Variants in ATP10A observed in about 807,000 individuals in gnomAD.
ATP10A encodes the protein ATPase phospholipid transporting 10A (putative), also known as phospholipid-transporting ATPase VA.
In ATP10A, 111 loss-of-function variants were observed where a neutral mutation model predicts 147.8. The ratio of observed to expected loss-of-function variants is 0.75; its 90% CI spans 0.64 to 0.88. The LOEUF (loss-of-function observed/expected upper bound fraction) is 0.88. Ranked by LOEUF, ATP10A falls within the 40% of genes least tolerant of loss-of-function variation. The pLI is 0.00. For synonymous variants in ATP10A, 875 were observed against 841.6 expected (o/e 1.04, Z -0.69); for missense variants, 1,927 against 1,959.0 (o/e 0.98, Z 0.31).
At chr15:25,804,719 G>C (rs934462708) in intron 1 of ATP10A, among the ~76,000 whole-genome samples, 1 of 152,196 alleles carries the variant, frequency 6.6e-6, no homozygotes, top group African/African-American at 2.4e-5. Flanking sequence ...ATGCGGTAAC[G>C]ACAGTAGGCC....
intron 12 of ATP10A, 121 bp downstream of exon 12, chr15:25,707,855 C>G (rs1901132297): frequency 6.5e-6 from 9 of 1,380,448 alleles, no homozygotes; most frequent in Non-Finnish European, 8.9e-6. Flanking sequence ...AGCGTCCTGC[C>G]AGGTGGCTCC....
chr15:25,856,975 A>T (rs1201871971), intron 1 of ATP10A, among the ~76,000 whole-genome samples: 1 of 152,210 alleles, frequency 6.6e-6, no homozygotes, highest in Non-Finnish European at 1.5e-5. Flanking sequence ...GGAAAAAAAG[A>T]AAGAGAATAG....
At chr15:25,770,906 T>C (rs562700245) in intron 2 of ATP10A, among the ~76,000 whole-genome samples, 2 of 152,144 alleles carry the variant, frequency 1.3e-5, no homozygotes, top group Non-Finnish European at 2.9e-5. Flanking sequence ...ATGATAAACA[T>C]CTGAGCTCCC....
chr15:25,731,211 G>A (rs763159516), intron 3 of ATP10A, among the ~76,000 whole-genome samples: 10 of 152,220 alleles, frequency 6.6e-5, no homozygotes, highest in Admixed American at 1.3e-4. Context: ...CCTGCTCTGT[G>A]GGGTAAGAAT....
At chr15:25,828,083 G>T (rs2140861771) in intron 1 of ATP10A, among the ~76,000 whole-genome samples, 1 of 152,192 alleles carries the variant, frequency 6.6e-6, no homozygotes, top group African/African-American at 2.4e-5. Flanking sequence ...TGAAAAAAAG[G>T]TCAATCCATC....
intron 16 of ATP10A, among the ~76,000 whole-genome samples, chr15:25,685,149 A>G (rs1404517231): frequency 6.6e-6 from 1 of 152,128 alleles, no homozygotes; most frequent in Non-Finnish European, 1.5e-5. Flanking sequence ...TTCCCAAACC[A>G]CTGTTGTTAT....
chr15:25,815,816 G>C lies in ATP10A; in HGVS notation c.450-34593C>G, dbSNP rs373236431. 8.5e-5 allele frequency among the ~76,000 whole-genome samples: 13 copies of C among 152,134 alleles called. No homozygotes were observed. The South Asian group carries it at 1.5e-3, about 17-fold the overall frequency. On this transcript the variant is annotated intron_variant, in intron 1 of 20. Coordinates refer to ENST00000555815, the MANE Select transcript of ATP10A (RefSeq NM_024490.4). ...GCTAACTTTATTAAGCAACTAGCTC[G>C]CCTGCTTAGAATAACACATTTTTGC...
chr15:25,740,101 G>C (rs1887503084), intron 2 of ATP10A, among the ~76,000 whole-genome samples: 6 of 152,186 alleles, frequency 3.9e-5, no homozygotes, highest in Admixed American at 3.3e-4. Context: ...ATTCACAGGG[G>C]AGATTCTGTT....
chr15:25,848,594 C>T (rs1411440508), intron 1 of ATP10A, among the ~76,000 whole-genome samples: 1 of 152,128 alleles, frequency 6.6e-6, no homozygotes, highest in Non-Finnish European at 1.5e-5. Context: ...CTCCTTGACT[C>T]TAGGTCCTCC....
intron 1 of ATP10A, among the ~76,000 whole-genome samples, chr15:25,825,133 C>T (rs545880456): frequency 6.6e-6 from 1 of 152,330 alleles, no homozygotes; most frequent in South Asian, 2.1e-4. Flanking sequence ...GGCTGCTTTT[C>T]CCTGGAAAAT....
At chr15:25,800,260 C>T (rs1165819779) in intron 1 of ATP10A, among the ~76,000 whole-genome samples, 1 of 152,170 alleles carries the variant, frequency 6.6e-6, no homozygotes, top group Non-Finnish European at 1.5e-5. Context: ...TCTTTGGCTG[C>T]AGGTTCCCGT....
At chr15:25,705,609 TCCCATACTCTCCA>T (rs1900951638) in intron 12 of ATP10A, among the ~76,000 whole-genome samples, 1 of 152,184 alleles carries the variant, frequency 6.6e-6, no homozygotes, top group Admixed American at 6.5e-5. Flanking sequence ...GGTGGGTGGC[TCCCATACTCTCCA>T]GCTCAGGCCT....
chr15:25,832,333 T>C (rs1241738798), intron 1 of ATP10A, among the ~76,000 whole-genome samples: 1 of 152,202 alleles, frequency 6.6e-6, no homozygotes, highest in African/African-American at 2.4e-5. Flanking sequence ...CTCAGGAAAC[T>C]CATTCAGCAA....
At chr15:25,800,950 T>C (rs1890909798) in intron 1 of ATP10A, among the ~76,000 whole-genome samples, 1 of 152,186 alleles carries the variant, frequency 6.6e-6, no homozygotes. Context: ...CTGTACTAGA[T>C]GCTGACGCTG....
At chr15:25,747,117 T>C (rs951534692) in intron 2 of ATP10A, among the ~76,000 whole-genome samples, 13 of 151,910 alleles carry the variant, frequency 8.6e-5, no homozygotes, top group Non-Finnish European at 1.6e-4. Flanking sequence ...TGAAACCCCA[T>C]CTCTACTATA....
intron 1 of ATP10A, among the ~76,000 whole-genome samples, chr15:25,847,227 G>C (rs569808619): frequency 2.0e-5 from 3 of 152,000 alleles, no homozygotes; most frequent in African/African-American, 7.2e-5. Context: ...AGCAGCACGC[G>C]CAGGCACTCA....
intron 2 of ATP10A, among the ~76,000 whole-genome samples, chr15:25,773,703 A>T (rs1889456851): frequency 6.6e-6 from 1 of 152,124 alleles, no homozygotes. Flanking sequence ...AAGCAATATC[A>T]CTTCATTTTG....
chr15:25,681,034 G>T lies in ATP10A; in HGVS notation c.3533C>A (p.Ala1178Asp). The change falls in exon 18 of 21, where the codon GCC (alanine) becomes GAC (aspartate). Residue 1178 changes from alanine (A) to aspartate (D), a missense_variant. Coordinates refer to ENST00000555815, the MANE Select transcript of ATP10A (RefSeq NM_024490.4). ...PRTFWFNMADAAFQSLVCFSI... is the reference protein window; with the variant it reads ...PRTFWFNMADDAFQSLVCFSI... ...AAAGCAAACCAGGCTCTGGAAGGCG[G>T]CGTCGGCCATGTTAAACCAGAACGT... 1 of 1,614,132 alleles carries T rather than the reference G, an allele frequency of 6.2e-7. No homozygotes were observed. Among genetic ancestry groups the T allele is most frequent in the Non-Finnish European group, 8.5e-7 (1 of 1,179,998 alleles).
chr15:25,725,690 A>G lies in ATP10A; in HGVS notation c.979+261T>C, dbSNP rs1472618341. Among the ~76,000 whole-genome samples the G allele has an allele frequency of 1.3e-4, 19 of 150,546 alleles. No individual in the cohort carries two copies. The Admixed American group carries it at 1.3e-3, about 10-fold the overall frequency. On this transcript the variant is annotated intron_variant, in intron 5 of 20. Transcript: ENST00000555815. ...CACTCTCTCACCCAGGCTGGAGTGC[A>G]GTGGTGCGATCTCAGCTCGCTGCAA...
Sources: allele counts gnomAD v4.1 joint callset (sites outside exome capture counted in the v4.1 genomes callset), GRCh38; gene constraint gnomAD v4.1.1; transcripts MANE v1.5; gene names NCBI Gene and HGNC (gene_info 2026-07-23, HGNC 2026-07-21).